Variants in GEMIN5 observed in about 807,000 individuals in gnomAD.
GEMIN5 encodes the protein gem-associated protein 5.
In GEMIN5, 124 loss-of-function variants were observed where a neutral mutation model predicts 176.9. That is an observed-to-expected ratio of 0.70 (90% CI 0.61 to 0.81). The LOEUF (loss-of-function observed/expected upper bound fraction) is 0.81, where lower values mean the gene tolerates loss of function less well. Ranked by LOEUF, GEMIN5 falls within the 40% of genes least tolerant of loss-of-function variation. GEMIN5 has a pLI of 0.00. For synonymous variants in GEMIN5, 673 were observed against 665.2 expected (o/e 1.01, Z -0.18); for missense variants, 1,843 against 1,814.6 (o/e 1.02, Z -0.28).
chr5:154,888,493 G>A, intron 27 of GEMIN5, 116 bp from the exon 28 acceptor site: 1 of 765,930 alleles, frequency 1.3e-6, no homozygotes, highest in Non-Finnish European at 2.1e-6. Flanking sequence ...GGACACAGCT[G>A]AGCCAGCTGT....
intron 5 of GEMIN5, 116 bp from the exon 6 acceptor site, chr5:154,928,775 T>G (rs1310276729): frequency 1.2e-6 from 1 of 819,224 alleles, no homozygotes; most frequent in East Asian, 2.5e-5. Flanking sequence ...TTTGGCTACT[T>G]AGAATTCAGA....
intron 24 of GEMIN5, 189 bp from the exon 25 acceptor site, chr5:154,892,738 C>T (rs1263228834): frequency 1.7e-6 from 1 of 578,168 alleles, no homozygotes; most frequent in Admixed American, 3.1e-5. Flanking sequence ...TGCACAGCAG[C>T]ACACACACGT....
chr5:154,916,970 T>A, intron 13 of GEMIN5, 28 bp downstream of exon 13: 2 of 1,324,732 alleles, frequency 1.5e-6, no homozygotes, highest in South Asian at 1.7e-5. Flanking sequence ...AACGATATCA[T>A]CCCCAGTATG....
chr5:154,899,305 G>C lies in GEMIN5; in HGVS notation c.3020C>G (p.Ala1007Gly). ...CAGCCGGGCCTTGGCAATCGCAATA[G>C]CTTCCCTAAAGGCAAGAACAGACCC... ...LLKSNHFYRE[A>G]IAIAKARLRP... The change falls in exon 22 of 28, where the codon GCT becomes GGT. Residue 1007 changes from alanine to glycine, a missense_variant. Coordinates refer to ENST00000285873, the MANE Select transcript of GEMIN5 (RefSeq NM_015465.5). 1 of 1,610,692 alleles carries C rather than the reference G, an allele frequency of 6.2e-7. No homozygotes were observed. Among genetic ancestry groups the C allele is most frequent in the Non-Finnish European group, 8.5e-7 (1 of 1,178,364 alleles).
intron 13 of GEMIN5, 58 bp downstream of exon 13, chr5:154,916,940 G>A (rs901661231): frequency 3.4e-6 from 3 of 871,970 alleles, no homozygotes; most frequent in Non-Finnish European, 3.3e-6. Context: ...ACAAAGATTA[G>A]AATGGAAAGT....
intron 26 of GEMIN5, 120 bp downstream of exon 26, chr5:154,891,118 ACTC>A: frequency 1.7e-6 from 1 of 600,248 alleles, no homozygotes; most frequent in Admixed American, 3.6e-5. Context: ...CTGGTGGTGA[ACTC>A]CTGGGCCAAG....
At position 154,921,355 on chromosome 5, in the gene GEMIN5, G is replaced by C. The variant is rs749374389; in HGVS notation, c.1450C>G (p.Pro484Ala). ...TTCAGATACTTACCAAGTGACATGG[G>C]GGGTACTGGTGGCCCCCAGGCTAAA... The part of the protein sequence containing the change: ...YTLAWGPPVP[P>A]MSLGGEGDRP... Residue 484 changes from proline to alanine, a missense_variant, in exon 10 of 28, where the codon CCC (proline) becomes GCC (alanine). Physicochemically the swap from Pro to Ala is conservative, Grantham distance 27. Coordinates refer to ENST00000285873, the MANE Select transcript of GEMIN5 (RefSeq NM_015465.5). 1.2e-5 allele frequency: 16 copies of C among 1,346,346 alleles called. No homozygotes were observed. In the African/African-American group the frequency reaches 2.2e-4, roughly 18 times the overall value. The allele number at this position is 1,346,346 out of a possible 1,614,324, so 83.4% of individuals were successfully genotyped here. A position where few individuals can be genotyped will look rare whatever the true frequency, so the allele number is the denominator to read the frequency against.
chr5:154,907,832 A>C lies in GEMIN5; in HGVS notation c.2168-14T>G, dbSNP rs370210509. On this transcript the variant is annotated splice_polypyrimidine_tract_variant and intron_variant, in intron 15 of 27. Transcript: ENST00000285873. ...TACTTTTTTTGCCTACAAGAATCAC[A>C]ATAAAGGACTGACTAAAGTATACAT... is the stretch of plus-strand genomic sequence containing the variant. 13 of 1,580,342 alleles carry C rather than the reference A, an allele frequency of 8.2e-6. No individual in the cohort carries two copies. Among genetic ancestry groups the C allele is most frequent in the African/African-American group, 1.4e-5 (1 of 73,856 alleles).
Position 154,888,338 on chromosome 5 carries a change from G to C in GEMIN5, c.4399C>G (p.Leu1467Val), listed in dbSNP as rs1411257567. 1.2e-6 allele frequency: 2 copies of C among 1,614,120 alleles called. No individual in the cohort carries two copies. The highest frequency in any genetic ancestry group is 1.7e-6 in the Non-Finnish European group (2 of 1,180,022). ...FPDVLECCLVLLLIRSHFPGC... is the reference protein window; with the variant it reads ...FPDVLECCLVVLLIRSHFPGC... Reference sequence around the variant, plus strand: ...GGAAAGTGGGACCTGATGAGAAGCAGGACGAGGCAGCACTCCAGCACATCT... The same window carrying C: ...GGAAAGTGGGACCTGATGAGAAGCACGACGAGGCAGCACTCCAGCACATCT... The change falls in exon 28 of 28, where the codon CTG becomes GTG. Residue 1467 changes from leucine (L) to valine (V), a missense_variant. Coordinates refer to ENST00000285873, the MANE Select transcript of GEMIN5 (RefSeq NM_015465.5).
chr5:154,931,597 T>C lies in GEMIN5; in HGVS notation c.662-20A>G. ...CTTCTTCTATGAGATAGGTGGCAAT[T>C]TTGTTTTTAATTTACATTAAACACG... On this transcript the variant is annotated intron_variant, in intron 4 of 27. Coordinates refer to ENST00000285873, the MANE Select transcript of GEMIN5 (RefSeq NM_015465.5). The C allele has an allele frequency of 6.4e-7, 1 of 1,574,036 alleles. No homozygotes were observed. The highest frequency in any genetic ancestry group is 8.7e-7 in the Non-Finnish European group (1 of 1,156,028).
intron 5 of GEMIN5, among the ~76,000 whole-genome samples, chr5:154,929,377 C>T (rs997868024): frequency 2.0e-5 from 3 of 152,278 alleles, no homozygotes; most frequent in East Asian, 1.9e-4. Flanking sequence ...TATTTCTAGT[C>T]GGCAAGAAAT....
At chr5:154,888,744 A>G (rs1406228712) in intron 27 of GEMIN5, among the ~76,000 whole-genome samples, 1 of 152,150 alleles carries the variant, frequency 6.6e-6, no homozygotes, top group Non-Finnish European at 1.5e-5. Flanking sequence ...TTACCTATTA[A>G]ATCTATTTGG....
Position 154,907,700 on chromosome 5 carries a change from T to C in GEMIN5, c.2286A>G (p.Glu762=), listed in dbSNP as rs1561716373. The C allele has an allele frequency of 6.2e-7, 1 of 1,614,156 alleles. No individual in the cohort carries two copies. Among genetic ancestry groups the C allele is most frequent in the Non-Finnish European group, 8.5e-7 (1 of 1,179,974 alleles). The change falls in exon 16 of 28, where the codon GAA becomes GAG. Residue 762 remains glutamate (E), a synonymous_variant. Transcript: ENST00000285873. ...PVKLESIDGN[E]EESMKENSGP... ...CTGAGTTCTCCTTCATGCTTTCTTC[T>C]TCATTTCCATCAATCGATTCCAGCT...
Position 154,921,329 on chromosome 5 carries a change from G to C in GEMIN5, c.1462+14C>G, listed in dbSNP as rs1436140048. 9.7e-7 allele frequency: 1 copy of C among 1,032,848 alleles called. No homozygotes were observed. Among genetic ancestry groups the C allele is most frequent in the Non-Finnish European group, 1.5e-6 (1 of 652,838 alleles). The allele number at this position is 1,032,848 out of a possible 1,614,324, so 64.0% of individuals were successfully genotyped here. A position where few individuals can be genotyped will look rare whatever the true frequency, so the allele number is the denominator to read the frequency against. ...ATACTCTCATATTTGTTATGGAATT[G>C]TTCAGATACTTACCAAGTGACATGG... On this transcript the variant is annotated intron_variant, in intron 10 of 27. Coordinates refer to ENST00000285873, the MANE Select transcript of GEMIN5 (RefSeq NM_015465.5).
chr5:154,905,912 A>G (rs1763558557), intron 16 of GEMIN5, among the ~76,000 whole-genome samples: 2 of 151,998 alleles, frequency 1.3e-5, no homozygotes, highest in South Asian at 4.1e-4. Flanking sequence ...GGTGATCTCA[A>G]ACTCCTGACC....
At chr5:154,935,243 T>C (rs1000475332) in intron 3 of GEMIN5, among the ~76,000 whole-genome samples, 2 of 152,246 alleles carry the variant, frequency 1.3e-5, no homozygotes, top group Non-Finnish European at 2.9e-5. Context: ...TCTCTTTGTG[T>C]ATCTCTATTG....
chr5:154,918,852 T>C (rs1763863397), intron 11 of GEMIN5, among the ~76,000 whole-genome samples: 1 of 151,904 alleles, frequency 6.6e-6, no homozygotes, highest in Non-Finnish European at 1.5e-5. Context: ...GATCACAGCC[T>C]GGCCAACATG....
At position 154,899,292 on chromosome 5, in the gene GEMIN5, G is replaced by C; in HGVS notation, c.3033C>G (p.Ala1011=). The stretch of plus-strand genomic sequence containing the variant: ...GGTCCTCCGGGCGCAGCCGGGCCTT[G>C]GCAATCGCAATAGCTTCCCTAAAGG... ...NHFYREAIAI[A]KARLRPEDPV... Residue 1011 remains alanine, a synonymous_variant, in exon 22 of 28, where the codon GCC becomes GCG. Transcript: ENST00000285873. 6.2e-7 allele frequency: 1 copy of C among 1,611,304 alleles called. No homozygotes were observed. The highest frequency in any genetic ancestry group is 1.1e-5 in the South Asian group (1 of 90,244).
chr5:154,902,199 G>A (rs970447380), intron 20 of GEMIN5, among the ~76,000 whole-genome samples: 1 of 152,026 alleles, frequency 6.6e-6, no homozygotes, highest in Non-Finnish European at 1.5e-5. Flanking sequence ...AGCGCTATAG[G>A]TCTGAACGCC....
Sources: gnomAD v4.1 joint callset for allele counts (sites outside exome capture counted in the v4.1 genomes callset) on GRCh38, gnomAD v4.1.1 for gene constraint, MANE v1.5 for transcripts, NCBI Gene and HGNC (gene_info 2026-07-23, HGNC 2026-07-21) for gene names.